IFIH1: variants seen among roughly 807,000 people sequenced by gnomAD.
IFIH1 encodes the protein interferon induced with helicase C domain 1.
In IFIH1, 125 loss-of-function variants were observed where a neutral mutation model predicts 107.4. That is an observed-to-expected ratio of 1.16 (90% confidence interval 1.01 to 1.35). IFIH1 has a LOEUF of 1.35. IFIH1 is among the 40% of genes most tolerant of loss of function. The probability of loss-of-function intolerance (pLI) is 0.00; values close to 1 mark genes in which losing one functional copy is unlikely to be tolerated. For missense variants in IFIH1, 1,333 were observed against 1,213.7 expected, an observed-to-expected ratio of 1.10 and a Z score of -1.46; for synonymous variants, 458 against 413.2, an observed-to-expected ratio of 1.11 and a Z score of -1.31.
chr2:162,272,182 G>A (rs532135532), intron 13 of IFIH1, 44 bp downstream of exon 13: 119 of 1,528,684 alleles, frequency 7.8e-5, no homozygotes, highest in South Asian at 5.7e-4. Context: ...ACCACATGCC[G>A]CCATTTTTAA....
chr2:162,305,831 T>C (rs150331471), intron 3 of IFIH1, among the ~76,000 whole-genome samples: 1 of 152,198 alleles, frequency 6.6e-6, no homozygotes, highest in Non-Finnish European at 1.5e-5. Context: ...CTGGAGGCTA[T>C]CTCCGTCTTT....
At chr2:162,296,409 A>T (rs1243206407) in intron 3 of IFIH1, among the ~76,000 whole-genome samples, 1 of 152,146 alleles carries the variant, frequency 6.6e-6, no homozygotes, top group Non-Finnish European at 1.5e-5. Flanking sequence ...ATCTCTCAAC[A>T]TTCTGTGTGG....
intron 8 of IFIH1, among the ~76,000 whole-genome samples, chr2:162,279,535 ACT>A (rs1323464955): frequency 1.3e-5 from 2 of 152,120 alleles, no homozygotes; most frequent in African/African-American, 4.8e-5. Flanking sequence ...TTACCATTGC[ACT>A]GTTTTCCTAA....
rs748334877 is a variant in IFIH1 at position 162,278,199 on chromosome 2, A to T, written c.1765+6T>A. 1.2e-6 allele frequency: 2 copies of T among 1,602,290 alleles called. No homozygotes were observed. The highest frequency in any genetic ancestry group is 1.7e-6 in the Non-Finnish European group (2 of 1,176,592). Reference sequence around the variant, plus strand: ...AAACTAAGTGTTAGGTCCAAACCTAAATTACCTTTTTTTTCCATTTGAATG... The same window carrying T: ...AAACTAAGTGTTAGGTCCAAACCTATATTACCTTTTTTTTCCATTTGAATG... On this transcript the variant is annotated splice_donor_region_variant and intron_variant, in intron 9 of 15. Coordinates refer to ENST00000649979, the MANE Select transcript of IFIH1 (RefSeq NM_022168.4).
intron 9 of IFIH1, 109 bp from the exon 10 acceptor site, chr2:162,277,802 T>C: frequency 7.5e-7 from 1 of 1,335,342 alleles, no homozygotes; most frequent in Non-Finnish European, 1.0e-6. Context: ...TTCACCTTGG[T>C]TTTAAAATGG....
chr2:162,268,330 T>C, intron 13 of IFIH1, 53 bp from the exon 14 acceptor site: 1 of 1,250,734 alleles, frequency 8.0e-7, no homozygotes, highest in Non-Finnish European at 1.1e-6. Context: ...CTTTTTTCAG[T>C]TTCATAGAAG....
intron 3 of IFIH1, among the ~76,000 whole-genome samples, chr2:162,301,838 C>G (rs1184266421): frequency 1.3e-5 from 2 of 152,050 alleles, no homozygotes; most frequent in African/African-American, 4.8e-5. Flanking sequence ...ATAAGACGAC[C>G]AGTGACTTCA....
chr2:162,291,497 G>GA (rs11330317), intron 4 of IFIH1, among the ~76,000 whole-genome samples: 225 of 143,786 alleles, frequency 1.6e-3, no homozygotes, highest in African/African-American at 4.4e-3. Flanking sequence ...ATGGGAAACA[G>GA]AAAAAAAAAA....
At chr2:162,287,036 A>C (rs1682906489) in intron 5 of IFIH1, among the ~76,000 whole-genome samples, 1 of 151,974 alleles carries the variant, frequency 6.6e-6, no homozygotes, top group South Asian at 2.1e-4. Context: ...AAGGGAATAC[A>C]TATGCAAGTC....
At chr2:162,298,777 C>T (rs767402321) in intron 3 of IFIH1, among the ~76,000 whole-genome samples, 56 of 150,432 alleles carry the variant, frequency 3.7e-4, no homozygotes, top group Non-Finnish European at 7.4e-4. Flanking sequence ...TACACACACA[C>T]GCACGCGCGC....
chr2:162,279,477 C>T (rs1212125467), intron 8 of IFIH1, among the ~76,000 whole-genome samples: 2 of 151,952 alleles, frequency 1.3e-5, no homozygotes, highest in Non-Finnish European at 2.9e-5. Context: ...CTTATAATTC[C>T]TGAAAAATTC....
chr2:162,304,510 A>C (rs1683247097), intron 3 of IFIH1, among the ~76,000 whole-genome samples: 2 of 152,112 alleles, frequency 1.3e-5, no homozygotes, highest in South Asian at 4.1e-4. Flanking sequence ...AAAGAGAAAA[A>C]TCCACAAACA....
At chr2:162,306,561 A>C in intron 3 of IFIH1, 148 bp downstream of exon 3, 1 of 518,016 alleles carries the variant, frequency 1.9e-6, no homozygotes, top group East Asian at 3.2e-5. Context: ...AATTATTTTA[A>C]TTTAATCTCC....
chr2:162,282,307 C>A, intron 6 of IFIH1, 59 bp downstream of exon 6: 2 of 1,061,974 alleles, frequency 1.9e-6, no homozygotes, highest in Non-Finnish European at 2.7e-6. Context: ...ACAAATACAG[C>A]CTTTGTTATC....
At chr2:162,298,189 GCTCCATTAGGTAAAA>G (rs1683128506) in intron 3 of IFIH1, among the ~76,000 whole-genome samples, 1 of 152,156 alleles carries the variant, frequency 6.6e-6, no homozygotes, top group African/African-American at 2.4e-5. Context: ...AAAGAGCTAA[GCTCCATTAGGTAAAA>G]TTCAAATTGA....
At chr2:162,292,049 A>G (rs1259625229) in intron 4 of IFIH1, among the ~76,000 whole-genome samples, 1 of 151,890 alleles carries the variant, frequency 6.6e-6, no homozygotes, top group African/African-American at 2.4e-5. Context: ...CAGCAAATAC[A>G]TTTGTTAACA....
At chr2:162,312,700 C>T (rs1683402369) in intron 1 of IFIH1, among the ~76,000 whole-genome samples, 1 of 152,104 alleles carries the variant, frequency 6.6e-6, no homozygotes, top group South Asian at 2.1e-4. Flanking sequence ...CTCTTAGTCT[C>T]CTAATGGAAA....
intron 4 of IFIH1, among the ~76,000 whole-genome samples, chr2:162,288,855 T>A (rs148344289): frequency 6.6e-6 from 1 of 151,574 alleles, no homozygotes. Context: ...AAAGAAGGTA[T>A]TATGGCTGAT....
Position 162,268,114 on chromosome 2 carries a change from T to G in IFIH1, c.2780A>C (p.His927Pro), listed in dbSNP as rs747311719. ...GAATTCTGGGGTCATATTGACGTGA[T>G]GCATTTTCTCAATTACATGGATATC... is the stretch of plus-strand genomic sequence containing the variant. ...GEDIHVIEKMHHVNMTPEFKE... is the reference protein window; with the variant it reads ...GEDIHVIEKMPHVNMTPEFKE... The change falls in exon 14 of 16, where the codon CAT becomes CCT. Residue 927 changes from histidine (H) to proline (P), a missense_variant. Transcript: ENST00000649979. The G allele has an allele frequency of 6.2e-7, 1 of 1,607,550 alleles. No homozygotes were observed. Among genetic ancestry groups the G allele is most frequent in the Non-Finnish European group, 8.5e-7 (1 of 1,177,760 alleles).
Sources: gnomAD v4.1 joint callset for allele counts (sites outside exome capture counted in the v4.1 genomes callset) on GRCh38, gnomAD v4.1.1 for gene constraint, MANE v1.5 for transcripts, NCBI Gene and HGNC (gene_info 2026-07-23, HGNC 2026-07-21) for gene names.